Variants in RGPD2 observed in about 807,000 individuals in gnomAD.
RGPD2 encodes RANBP2-like and GRIP domain-containing protein 2.
Under a neutral mutation model 36.0 loss-of-function variants are expected in RGPD2, and 2 were observed. The observed-to-expected ratio is 0.06, with a 90% confidence interval of 0.02 to 0.17. The LOEUF (loss-of-function observed/expected upper bound fraction) is 0.17. Ranked by LOEUF, RGPD2 falls within the 10% of genes least tolerant of loss-of-function variation. The pLI is 1.00. For synonymous variants in RGPD2, 19 were observed against 163.8 expected (o/e 0.12, Z 6.75); for missense variants, 40 against 464.3 (o/e 0.09, Z 8.40).
At chr2:87,825,512 G>GGCCGAGGCCGCCGTCGCCGCC (rs1686726676) in intron 1 of RGPD2, 146 bp downstream of exon 1, 2 of 123,452 alleles carry the variant, frequency 1.6e-5, no homozygotes, top group Admixed American at 1.7e-4. Flanking sequence ...CCGAGGCCGA[G>GGCCGAGGCCGCCGTCGCCGCC]GCCGCCGCCC....
chr2:87,935,264 C>T, the RGPD2 span, among the ~76,000 whole-genome samples: 1 of 149,132 alleles, frequency 6.7e-6, no homozygotes. Flanking sequence ...ACAGTATCTG[C>T]CTCTATCTTT....
chr2:87,958,460 T>G, the RGPD2 span, among the ~76,000 whole-genome samples: 1 of 152,248 alleles, frequency 6.6e-6, no homozygotes, highest in Non-Finnish European at 1.5e-5. Flanking sequence ...GATGTGGAAA[T>G]ATTCCTGCAT....
chr2:87,927,824 C>T, the RGPD2 span, among the ~76,000 whole-genome samples: 1 of 150,070 alleles, frequency 6.7e-6, no homozygotes, highest in Admixed American at 6.7e-5. Flanking sequence ...CCAGAAAAGC[C>T]TTGTCCATTC....
At chr2:87,882,830 A>G in the RGPD2 span, among the ~76,000 whole-genome samples, 8 of 152,132 alleles carry the variant, frequency 5.3e-5, no homozygotes, top group Non-Finnish European at 1.5e-5. Context: ...ATTTAATTAT[A>G]AATATTTTTA....
chr2:87,884,212 T>C, the RGPD2 span, among the ~76,000 whole-genome samples: 4 of 151,848 alleles, frequency 2.6e-5, no homozygotes. Context: ...AGTCAAAGAA[T>C]AAACTAAACA....
At chr2:87,883,704 T>TAA in the RGPD2 span, among the ~76,000 whole-genome samples, 2 of 151,954 alleles carry the variant, frequency 1.3e-5, no homozygotes, top group Middle Eastern at 6.8e-3. Context: ...TCAAAAACTG[T>TAA]AAAAAGGGAC....
the RGPD2 span, among the ~76,000 whole-genome samples, chr2:87,922,878 A>G: frequency 1.3e-5 from 2 of 152,136 alleles, no homozygotes; most frequent in Non-Finnish European, 2.9e-5. Flanking sequence ...TCTGATCCCA[A>G]TGCATCTGTG....
At chr2:87,884,904 T>C in the RGPD2 span, among the ~76,000 whole-genome samples, 16 of 152,228 alleles carry the variant, frequency 1.1e-4, no homozygotes, top group East Asian at 3.1e-3. Context: ...TCCAAAAAAT[T>C]GAAGAGAAAA....
the RGPD2 span, among the ~76,000 whole-genome samples, chr2:87,927,332 A>T: frequency 8.0e-6 from 1 of 125,660 alleles, no homozygotes; most frequent in Non-Finnish European, 1.7e-5. Context: ...CCTTTTTAGG[A>T]GGTATTAGTA....
chr2:87,882,325 G>A, the RGPD2 span, among the ~76,000 whole-genome samples: 27 of 152,154 alleles, frequency 1.8e-4, no homozygotes, highest in Middle Eastern at 3.4e-3. Flanking sequence ...ATGAATATCC[G>A]GTTTTCCCAA....
At chr2:87,830,905 T>C in the RGPD2 span, among the ~76,000 whole-genome samples, 1 of 152,076 alleles carries the variant, frequency 6.6e-6, no homozygotes, top group Admixed American at 6.5e-5. Flanking sequence ...GGAGTTACAG[T>C]TGAAGATGAG....
At chr2:87,945,351 G>C in the RGPD2 span, among the ~76,000 whole-genome samples, 1 of 149,132 alleles carries the variant, frequency 6.7e-6, no homozygotes. Context: ...AAAGTGTATA[G>C]GTGAATATAA....
At chr2:87,922,358 A>G in the RGPD2 span, among the ~76,000 whole-genome samples, 2 of 151,516 alleles carry the variant, frequency 1.3e-5, no homozygotes, top group Non-Finnish European at 2.9e-5. Context: ...CTAACATATT[A>G]TAAAGTTCAT....
the RGPD2 span, among the ~76,000 whole-genome samples, chr2:87,879,745 T>C: frequency 3.0e-5 from 1 of 33,576 alleles, no homozygotes; most frequent in Non-Finnish European, 5.5e-5. Context: ...CTTCCCAATC[T>C]TGGATATTGT....
chr2:87,944,564 T>C, the RGPD2 span, among the ~76,000 whole-genome samples: 1 of 110,636 alleles, frequency 9.0e-6, no homozygotes. Context: ...CATTTCTGCC[T>C]GGGGCTGGAT....
At chr2:87,837,687 C>A in the RGPD2 span, among the ~76,000 whole-genome samples, 550 of 28,316 alleles carry the variant, frequency 0.019, no homozygotes, top group Middle Eastern at 0.031. Flanking sequence ...AACCAACACC[C>A]AATCTGCCAG....
the RGPD2 span, among the ~76,000 whole-genome samples, chr2:87,890,145 AT>A: frequency 1.5e-5 from 1 of 64,966 alleles, no homozygotes; most frequent in East Asian, 3.7e-4. Flanking sequence ...CTTTTTCCTT[AT>A]GCCCATTATA....
At chr2:87,912,058 G>A in the RGPD2 span, among the ~76,000 whole-genome samples, 1 of 151,188 alleles carries the variant, frequency 6.6e-6, no homozygotes, top group Non-Finnish European at 1.5e-5. Context: ...AAGATACCAG[G>A]TTGTTTTTTT....
the RGPD2 span, among the ~76,000 whole-genome samples, chr2:87,854,050 C>T: frequency 4.0e-5 from 6 of 151,374 alleles, no homozygotes; most frequent in East Asian, 1.9e-4. Context: ...GAAACAGAAT[C>T]GTGTGTGCTG....
Sources: gnomAD v4.1 joint callset for allele counts (sites outside exome capture counted in the v4.1 genomes callset) on GRCh38, gnomAD v4.1.1 for gene constraint, MANE v1.5 for transcripts, NCBI Gene and HGNC (gene_info 2026-07-23, HGNC 2026-07-21) for gene names.